SPOCK1: variants seen among roughly 807,000 people sequenced by gnomAD.
SPOCK1 encodes SPARC (osteonectin), cwcv and kazal like domains proteoglycan 1, also known as testican-1.
In SPOCK1, 23 loss-of-function variants were observed where a neutral mutation model predicts 55.3. That is an observed-to-expected ratio of 0.42 (90% CI 0.30 to 0.59). The LOEUF (loss-of-function observed/expected upper bound fraction) is 0.59. Ranked by LOEUF, SPOCK1 falls within the 20% of genes least tolerant of loss-of-function variation. SPOCK1 has a pLI of 0.22. For synonymous variants in SPOCK1, 226 were observed against 221.0 expected (o/e 1.02, Z -0.20); for missense variants, 499 against 552.5 (o/e 0.90, Z 0.97).
intron 3 of SPOCK1, 36 bp downstream of exon 3, chr5:137,266,974 C>T (rs2127116344): frequency 6.3e-7 from 1 of 1,589,354 alleles, no homozygotes; most frequent in Non-Finnish European, 8.6e-7. Context: ...CCACATTTAC[C>T]ACAGACTATA....
At chr5:137,112,604 A>G (rs1382369524) in intron 4 of SPOCK1, 43 bp from the exon 5 acceptor site, 1 of 1,596,748 alleles carries the variant, frequency 6.3e-7, no homozygotes. Context: ...GAAGCTCCAG[A>G]CCCTATGAGT....
At chr5:137,245,890 C>T (rs1197846832) in intron 3 of SPOCK1, among the ~76,000 whole-genome samples, 1 of 151,954 alleles carries the variant, frequency 6.6e-6, no homozygotes, top group East Asian at 1.9e-4. Context: ...ATATAAAAGG[C>T]TTTGAGAAGT....
At chr5:137,373,048 T>C (rs565239982) in intron 2 of SPOCK1, among the ~76,000 whole-genome samples, 16 of 152,200 alleles carry the variant, frequency 1.1e-4, no homozygotes, top group Non-Finnish European at 2.2e-4. Context: ...TCTCTTGCCC[T>C]TCCACCTTCC....
chr5:137,498,440 T>C lies in SPOCK1; in HGVS notation c.119A>G (p.Asp40Gly), dbSNP rs770200736. ...GAGPNHGNFLDNDQWLSTVSQ... is the reference protein window; with the variant it reads ...GAGPNHGNFLGNDQWLSTVSQ... Reference sequence around the variant, plus strand: ...GACGGTGCTCAGCCACTGGTCATTGTCTAGGAAATTGCCGTGGTTGGGGCC... The same window carrying C: ...GACGGTGCTCAGCCACTGGTCATTGCCTAGGAAATTGCCGTGGTTGGGGCC... Residue 40 changes from aspartate to glycine, a missense_variant, in exon 2 of 11, where the codon GAC becomes GGC. This residue lies in a region of SPOCK1 where 386 missense variants were observed against 400.6 expected (regional missense o/e 0.96). Coordinates refer to ENST00000394945, the MANE Select transcript of SPOCK1 (RefSeq NM_004598.4). The C allele has an allele frequency of 3.1e-6, 5 of 1,611,278 alleles. No individual in the cohort carries two copies. In the Admixed American group the frequency reaches 6.7e-5, roughly 22 times the overall value.
At chr5:137,257,606 C>T (rs1467013165) in intron 3 of SPOCK1, among the ~76,000 whole-genome samples, 2 of 152,216 alleles carry the variant, frequency 1.3e-5, no homozygotes, top group East Asian at 1.9e-4. Flanking sequence ...GGTGTTAGAA[C>T]AGAAGCCCCA....
chr5:137,011,587 T>G (rs182825386), intron 6 of SPOCK1, among the ~76,000 whole-genome samples: 1 of 152,260 alleles, frequency 6.6e-6, no homozygotes, highest in East Asian at 1.9e-4. Context: ...TCCCTGAAAT[T>G]TATTACATAC....
At chr5:137,156,329 A>G (rs1470349009) in intron 3 of SPOCK1, among the ~76,000 whole-genome samples, 2 of 152,194 alleles carry the variant, frequency 1.3e-5, no homozygotes, top group Non-Finnish European at 2.9e-5. Flanking sequence ...CACTGCTTAA[A>G]TTCCAAAAAC....
intron 5 of SPOCK1, among the ~76,000 whole-genome samples, 198 bp from the exon 6 acceptor site, chr5:137,068,027 T>A (rs1159905098): frequency 1.3e-5 from 2 of 152,124 alleles, no homozygotes; most frequent in African/African-American, 4.8e-5. Context: ...AGAGGATAAC[T>A]TCTAAAAACA....
chr5:137,243,075 T>TA (rs997089291), intron 3 of SPOCK1, among the ~76,000 whole-genome samples: 21 of 152,224 alleles, frequency 1.4e-4, no homozygotes, highest in Admixed American at 1.3e-3. Flanking sequence ...AATAAAAAAA[T>TA]AAAAAACCAA....
At chr5:137,429,072 T>A (rs1752692403) in intron 2 of SPOCK1, among the ~76,000 whole-genome samples, 1 of 152,226 alleles carries the variant, frequency 6.6e-6, no homozygotes, top group African/African-American at 2.4e-5. Flanking sequence ...AATTTCCACA[T>A]GGTTTTCATG....
chr5:137,111,115 G>A (rs1394572178), intron 5 of SPOCK1, among the ~76,000 whole-genome samples: 7 of 152,082 alleles, frequency 4.6e-5, no homozygotes, highest in Non-Finnish European at 7.3e-5. Context: ...ACCCTGATAA[G>A]TCTCTGAGGA....
chr5:137,133,817 A>G (rs1753928502), intron 4 of SPOCK1, among the ~76,000 whole-genome samples: 1 of 152,208 alleles, frequency 6.6e-6, no homozygotes, highest in Non-Finnish European at 1.5e-5. Flanking sequence ...ACTCAGAATT[A>G]TTGCTTTGGG....
chr5:136,989,325 C>T (rs1750903557), intron 7 of SPOCK1, among the ~76,000 whole-genome samples: 1 of 152,154 alleles, frequency 6.6e-6, no homozygotes, highest in African/African-American at 2.4e-5. Context: ...AAAGTGTATG[C>T]ACTAAAATAA....
chr5:137,046,586 AG>A (rs1752110482), intron 6 of SPOCK1, among the ~76,000 whole-genome samples: 2 of 104,566 alleles, frequency 1.9e-5, no homozygotes, highest in Non-Finnish European at 1.9e-5. Flanking sequence ...GTCTGCAAAC[AG>A]GGACAATTTG....
chr5:137,445,869 A>C (rs1476892788), intron 2 of SPOCK1, among the ~76,000 whole-genome samples: 1 of 152,188 alleles, frequency 6.6e-6, no homozygotes, highest in Non-Finnish European at 1.5e-5. Context: ...TATGCTCTAA[A>C]ATGAATGGTA....
At chr5:137,399,534 A>G (rs1751930532) in intron 2 of SPOCK1, among the ~76,000 whole-genome samples, 1 of 151,936 alleles carries the variant, frequency 6.6e-6, no homozygotes, top group Admixed American at 6.6e-5. Context: ...AAAAAAAACA[A>G]CCTGTGACTT....
intron 6 of SPOCK1, among the ~76,000 whole-genome samples, chr5:137,061,341 A>C (rs1411906939): frequency 6.6e-6 from 1 of 152,072 alleles, no homozygotes; most frequent in Non-Finnish European, 1.5e-5. Flanking sequence ...TTCCAGCTCC[A>C]CTTGTGATAA....
chr5:137,386,778 C>T (rs1463407947), intron 2 of SPOCK1, among the ~76,000 whole-genome samples: 1 of 151,986 alleles, frequency 6.6e-6, no homozygotes, highest in African/African-American at 2.4e-5. Flanking sequence ...GCACCAAAGA[C>T]AGAATCCATG....
At chr5:137,490,165 G>T (rs944984497) in intron 2 of SPOCK1, among the ~76,000 whole-genome samples, 1 of 152,188 alleles carries the variant, frequency 6.6e-6, no homozygotes, top group African/African-American at 2.4e-5. Flanking sequence ...TTAACTATTT[G>T]TTATTGCTGG....
Sources: gnomAD v4.1 joint callset for allele counts (sites outside exome capture counted in the v4.1 genomes callset) on GRCh38, gnomAD v4.1.1 for gene constraint, gnomAD v4.1.1 regional missense constraint, MANE v1.5 for transcripts, NCBI Gene and HGNC (gene_info 2026-07-23, HGNC 2026-07-21) for gene names.